Variants in SDK1 observed in about 807,000 individuals in gnomAD.
SDK1 encodes the protein protein sidekick-1.
SDK1 carries 157 observed loss-of-function variants against 245.5 expected under a neutral mutation model. The observed-to-expected ratio is 0.64, with a 90% CI of 0.56 to 0.73. The LOEUF (loss-of-function observed/expected upper bound fraction) is 0.73. Among genes scored for constraint, SDK1 ranks in the 30% least tolerant of loss-of-function variants. SDK1 has a pLI of 0.00. For synonymous variants in SDK1, 1,647 were observed against 1,278.5 expected, an observed-to-expected ratio of 1.29 and a Z score of -6.15; for missense variants, 3,583 against 3,002.3, an observed-to-expected ratio of 1.19 and a Z score of -4.52.
chr7:3,474,904 C>T (rs756015981), intron 1 of SDK1, among the ~76,000 whole-genome samples: 1 of 152,050 alleles, frequency 6.6e-6, no homozygotes, highest in Non-Finnish European at 1.5e-5. Flanking sequence ...GTTGTCCAAG[C>T]TGGTATTGAA....
intron 5 of SDK1, among the ~76,000 whole-genome samples, chr7:3,949,936 C>G (rs1234201995): frequency 2.0e-5 from 3 of 152,158 alleles, no homozygotes; most frequent in Admixed American, 2.0e-4. Context: ...AGTAAGAATG[C>G]CCACTGCTTT....
At chr7:3,324,325 A>G (rs933480082) in intron 1 of SDK1, among the ~76,000 whole-genome samples, 1 of 152,216 alleles carries the variant, frequency 6.6e-6, no homozygotes, top group African/African-American at 2.4e-5. Flanking sequence ...TGCACATGTA[A>G]TTAATACCCA....
At chr7:3,881,709 A>G (rs1432891934) in intron 5 of SDK1, among the ~76,000 whole-genome samples, 2 of 152,196 alleles carry the variant, frequency 1.3e-5, no homozygotes, top group African/African-American at 4.8e-5. Context: ...TGGTTGAACT[A>G]ATTTACATTC....
intron 1 of SDK1, among the ~76,000 whole-genome samples, chr7:3,394,363 A>G (rs917941234): frequency 6.6e-6 from 1 of 152,154 alleles, no homozygotes; most frequent in Admixed American, 6.5e-5. Flanking sequence ...ATAAGAATTT[A>G]TTGCTGGATT....
chr7:3,949,979 T>C (rs937703807), intron 5 of SDK1, among the ~76,000 whole-genome samples: 3 of 152,210 alleles, frequency 2.0e-5, no homozygotes, highest in African/African-American at 7.2e-5. Context: ...TAGTGGCTGA[T>C]ACATGAAATA....
intron 1 of SDK1, among the ~76,000 whole-genome samples, chr7:3,614,160 G>A (rs1235617354): frequency 6.6e-6 from 1 of 152,172 alleles, no homozygotes; most frequent in African/African-American, 2.4e-5. Flanking sequence ...TTGAGACAAT[G>A]TTAAGTCTAT....
chr7:3,505,063 T>C (rs1447741016), intron 1 of SDK1, among the ~76,000 whole-genome samples: 1 of 152,214 alleles, frequency 6.6e-6, no homozygotes, highest in Non-Finnish European at 1.5e-5. Context: ...GTAAGCCCCC[T>C]TGACTATTAG....
chr7:4,025,351 C>T (rs537555188), intron 17 of SDK1, among the ~76,000 whole-genome samples: 6 of 152,258 alleles, frequency 3.9e-5, no homozygotes, highest in East Asian at 1.9e-4. Flanking sequence ...TAAAGACAGA[C>T]GGGTCTGAGT....
chr7:4,076,390 C>A (rs1003412181), intron 20 of SDK1, among the ~76,000 whole-genome samples: 2 of 151,886 alleles, frequency 1.3e-5, no homozygotes, highest in Non-Finnish European at 2.9e-5. Flanking sequence ...CCCATCTCTC[C>A]AAAAAAATAC....
At chr7:3,578,661 C>G (rs1308972535) in intron 1 of SDK1, among the ~76,000 whole-genome samples, 1 of 151,792 alleles carries the variant, frequency 6.6e-6, no homozygotes, top group East Asian at 1.9e-4. Flanking sequence ...TCTTAATATT[C>G]CTTGCTAGGA....
intron 1 of SDK1, among the ~76,000 whole-genome samples, chr7:3,363,735 A>G (rs1562441874): frequency 6.6e-6 from 1 of 152,298 alleles, no homozygotes; most frequent in East Asian, 1.9e-4. Context: ...TGAGAATCTA[A>G]TGCTGCTGCT....
chr7:4,146,909 C>T (rs938925118), intron 29 of SDK1, among the ~76,000 whole-genome samples: 1 of 152,218 alleles, frequency 6.6e-6, no homozygotes, highest in African/African-American at 2.4e-5. Flanking sequence ...AACTGCAGAG[C>T]TGAGATTTGG....
chr7:3,325,852 A>G (rs1779927506), intron 1 of SDK1, among the ~76,000 whole-genome samples: 1 of 152,248 alleles, frequency 6.6e-6, no homozygotes, highest in Non-Finnish European at 1.5e-5. Context: ...TTGATGTTAC[A>G]GGAAAAGTGG....
intron 4 of SDK1, among the ~76,000 whole-genome samples, chr7:3,662,262 A>T (rs983750920): frequency 6.6e-6 from 1 of 152,176 alleles, no homozygotes; most frequent in East Asian, 1.9e-4. Flanking sequence ...TAACTAAGTT[A>T]TGCAGGTTTG....
At chr7:3,577,221 C>T (rs1300762248) in intron 1 of SDK1, among the ~76,000 whole-genome samples, 1 of 152,046 alleles carries the variant, frequency 6.6e-6, no homozygotes, top group East Asian at 1.9e-4. Context: ...ATTCCCTTTC[C>T]TTACACTACT....
rs140864970 is a variant in SDK1, at chr7:4,077,682, C to G, written c.3202+493C>G. Among the ~76,000 whole-genome samples the G allele has an allele frequency of 3.6e-3, 555 of 152,252 alleles. 3 individuals carry two copies. Among genetic ancestry groups the G allele is most frequent in the South Asian group, 0.031 (150 of 4,820 alleles). ...CATGTATTACATGGATGGCAGCAGG[C>G]AAAGAGAGAGCCCGTGCAAGGAAAC... is the stretch of plus-strand genomic sequence containing the variant. On this transcript the variant is annotated intron_variant, in intron 21 of 44. Transcript: ENST00000404826.
intron 4 of SDK1, among the ~76,000 whole-genome samples, chr7:3,668,048 G>C (rs961428806): frequency 6.6e-6 from 1 of 152,146 alleles, no homozygotes; most frequent in Non-Finnish European, 1.5e-5. Flanking sequence ...GAAATAATCA[G>C]AAACTTAGCT....
intron 19 of SDK1, among the ~76,000 whole-genome samples, chr7:4,067,128 C>A (rs1779958140): frequency 6.6e-6 from 1 of 152,164 alleles, no homozygotes; most frequent in Non-Finnish European, 1.5e-5. Context: ...TTCCCTGCTT[C>A]ACACATTAAC....
At chr7:3,806,890 G>A (rs1244568190) in intron 4 of SDK1, among the ~76,000 whole-genome samples, 1 of 152,078 alleles carries the variant, frequency 6.6e-6, no homozygotes, top group African/African-American at 2.4e-5. Flanking sequence ...AACTAAGAGT[G>A]ATATTACCTA....
Sources: allele counts gnomAD v4.1 joint callset (sites outside exome capture counted in the v4.1 genomes callset), GRCh38; gene constraint gnomAD v4.1.1; transcripts MANE v1.5; gene names NCBI Gene and HGNC (gene_info 2026-07-23, HGNC 2026-07-21).